BRSK2: variants seen among roughly 807,000 people sequenced by gnomAD.
BRSK2 encodes serine/threonine-protein kinase BRSK2.
A neutral mutation model predicts 83.3 loss-of-function variants in BRSK2; 19 were observed. The observed-to-expected ratio is 0.23, with a 90% CI of 0.16 to 0.33. The LOEUF is 0.33. Among genes scored for constraint, BRSK2 ranks in the 10% least tolerant of loss-of-function variants. The pLI is 1.00. For missense variants in BRSK2, 798 were observed against 1,042.3 expected (o/e 0.77, Z 3.23); for synonymous variants, 519 against 435.4 (o/e 1.19, Z -2.39).
intron 1 of BRSK2, among the ~76,000 whole-genome samples, chr11:1,392,062 C>G (rs965300147): frequency 6.6e-6 from 1 of 152,182 alleles, no homozygotes; most frequent in African/African-American, 2.4e-5. Flanking sequence ...CGAGTTATGA[C>G]GGGCAGAGCG....
intron 2 of BRSK2, among the ~76,000 whole-genome samples, chr11:1,437,431 G>A (rs927475012): frequency 9.9e-5 from 15 of 152,212 alleles, no homozygotes; most frequent in Non-Finnish European, 1.6e-4. Context: ...TGTGCTGGGC[G>A]GAGCACCAGC....
rs1850589066 is a variant in BRSK2, at chr11:1,438,115, C to G, written c.187-191C>G. ...TCCCCCACAGCTGGCACCAAAGGCC[C>G]CTGCGTCCCCCACAGCTGGCACCAA... On this transcript the variant is annotated intron_variant, in intron 2 of 19. Transcript: ENST00000528841. This position sits in a 1 kb window ranked among gnomAD's most constrained non-coding sequence, Gnocchi z 6.4. Among the ~76,000 whole-genome samples the G allele has an allele frequency of 7.1e-6, 1 of 140,582 alleles. No individual in the cohort carries two copies. The allele number at this position is 140,582 out of a possible 152,430, so 92.2% of individuals were successfully genotyped here. A position where few individuals can be genotyped will look rare whatever the true frequency, so the allele number is the denominator to read the frequency against.
intron 3 of BRSK2, among the ~76,000 whole-genome samples, chr11:1,440,562 C>CCCCAA (rs1444396637): frequency 6.6e-6 from 1 of 151,898 alleles, no homozygotes; most frequent in Non-Finnish European, 1.5e-5. Context: ...CCCCACCCCA[C>CCCCAA]CCCAACCCAG....
intron 19 of BRSK2, among the ~76,000 whole-genome samples, chr11:1,460,168 C>G (rs1049118406): frequency 6.6e-6 from 1 of 152,302 alleles, no homozygotes; most frequent in Non-Finnish European, 1.5e-5. Context: ...CCCCGAGCCT[C>G]GCTTCGCCAA....
At chr11:1,418,041 G>A (rs576855140) in intron 1 of BRSK2, among the ~76,000 whole-genome samples, 3 of 150,104 alleles carry the variant, frequency 2.0e-5, no homozygotes, top group East Asian at 2.0e-4. Context: ...TCTCTTGAGA[G>A]TGGTTCTCCT....
At position 1,454,398 on chromosome 11, in the gene BRSK2, C is replaced by T. The variant is rs66529968; in HGVS notation, c.1545-87C>T. Reference sequence around the variant, plus strand: ...TCTATCACGAAGCGATGGAAGATTCCGCCGTTCCAACCCCAGATTCGAGGG... The same window carrying T: ...TCTATCACGAAGCGATGGAAGATTCTGCCGTTCCAACCCCAGATTCGAGGG... On this transcript the variant is annotated intron_variant, in intron 15 of 19. Coordinates refer to ENST00000528841, the MANE Select transcript of BRSK2 (RefSeq NM_001256627.2). The surrounding 1 kb of genome is among the most constrained non-coding windows in gnomAD (Gnocchi z 5.2). 0.22 allele frequency: 325,747 copies of T among 1,500,766 alleles called. 37,179 individuals are homozygous for T. Among genetic ancestry groups the T allele is most frequent in the Non-Finnish European group, 0.24 (258,950 of 1,090,208 alleles). 93.0% of individuals were successfully genotyped at this position (1,500,766 alleles called of 1,614,324 possible).
At chr11:1,403,112 T>A (rs11025492) in intron 1 of BRSK2, among the ~76,000 whole-genome samples, 5 of 151,904 alleles carry the variant, frequency 3.3e-5, no homozygotes, top group African/African-American at 9.7e-5. Context: ...GGTGTTGAGT[T>A]CCCCATTCCA....
intron 12 of BRSK2, chr11:1,447,922 C>T (rs1274407228): frequency 1.5e-5 from 22 of 1,475,160 alleles, no homozygotes; most frequent in Non-Finnish European, 1.9e-5. Context: ...TGTCCTGCCT[C>T]AGGCCGGGCA....
chr11:1,451,220 G>A (rs554517632), intron 14 of BRSK2, 151 bp from the exon 15 acceptor site: 320 of 888,730 alleles, frequency 3.6e-4, no homozygotes, highest in Middle Eastern at 1.1e-3. Context: ...TAAGGTGGCC[G>A]GGAGCTGGGG....
At chr11:1,459,582 T>A (rs562389438) in intron 19 of BRSK2, 2 of 339,804 alleles carry the variant, frequency 5.9e-6, no homozygotes, top group East Asian at 5.9e-5. Context: ...TGCCCATCCC[T>A]CTGTCCACTG....
rs367917739 is a variant in BRSK2, at chr11:1,440,781, C to T, written c.273-7C>T. 1,271 of 1,561,624 alleles carry T rather than the reference C, an allele frequency of 8.1e-4. 4 individuals carry two copies. The highest frequency in any genetic ancestry group is 1.0e-3 in the Non-Finnish European group (1,157 of 1,152,712). On this transcript the variant is annotated splice_polypyrimidine_tract_variant and splice_region_variant and intron_variant, in intron 3 of 19. Coordinates refer to ENST00000528841, the MANE Select transcript of BRSK2 (RefSeq NM_001256627.2). ...GCTGGGCGCACTGGTGGCCCCGTCTCCTGCAGGTACCTGGTGCTAGAACAC... is the reference window on the plus strand; with the variant it reads ...GCTGGGCGCACTGGTGGCCCCGTCTTCTGCAGGTACCTGGTGCTAGAACAC...
At chr11:1,422,119 G>GAGCCCAGCCC (rs1006628757) in intron 1 of BRSK2, among the ~76,000 whole-genome samples, 1 of 152,166 alleles carries the variant, frequency 6.6e-6, no homozygotes, top group Non-Finnish European at 1.5e-5. Flanking sequence ...TGTCGGGTGA[G>GAGCCCAGCCC]AGCCCAGCCC....
chr11:1,441,046 C>G (rs540062418), intron 4 of BRSK2, 118 bp downstream of exon 4: 1 of 843,882 alleles, frequency 1.2e-6, no homozygotes, highest in East Asian at 2.7e-5. Flanking sequence ...CCGAGGTACA[C>G]CATGCCCCCC....
intron 2 of BRSK2, among the ~76,000 whole-genome samples, chr11:1,436,960 A>G (rs1362580022): frequency 1.3e-4 from 19 of 143,198 alleles, no homozygotes; most frequent in African/African-American, 1.8e-4. Flanking sequence ...GGAGGAATTA[A>G]CCAGACTAAA....
At chr11:1,435,847 T>C (rs1373965823) in intron 1 of BRSK2, among the ~76,000 whole-genome samples, 193 bp from the exon 2 acceptor site, 1 of 151,232 alleles carries the variant, frequency 6.6e-6, no homozygotes, top group Non-Finnish European at 1.5e-5. Context: ...GACACAGCTT[T>C]GCAGGGGCAG....
intron 1 of BRSK2, among the ~76,000 whole-genome samples, chr11:1,422,190 C>T (rs1848698080): frequency 2.0e-5 from 3 of 152,148 alleles, no homozygotes; most frequent in Admixed American, 6.5e-5. Context: ...GGTGGATGAT[C>T]AGGGGTGAGC....
intron 1 of BRSK2, among the ~76,000 whole-genome samples, chr11:1,399,188 GC>G (rs200503425): frequency 1.3e-5 from 2 of 152,064 alleles, no homozygotes; most frequent in East Asian, 3.9e-4. Context: ...TTGTGGGCAG[GC>G]CCCCCAGGGC....
At position 1,460,563 on chromosome 11, in the gene BRSK2, A is replaced by G; in HGVS notation, c.2051A>G (p.Gln684Arg). Residue 684 changes from glutamine (Q) to arginine (R), a missense_variant, in exon 20 of 20, where the codon CAG (glutamine) becomes CGG (arginine). By Grantham distance (43) the Gln-to-Arg change is conservative (BLOSUM62 1). Transcript: ENST00000528841. ...CTTTTTTCAGACGAGAAGAACGGGC[A>G]GGCGGCCCAGGCCCCCAGCACGCCC... is the stretch of plus-strand genomic sequence containing the variant. Reference protein sequence around the residue: ...KQLFSDEKNGQAAQAPSTPAK... With the variant: ...KQLFSDEKNGRAAQAPSTPAK... 1 of 1,530,450 alleles carries G rather than the reference A, an allele frequency of 6.5e-7. No individual in the cohort carries two copies. The highest frequency in any genetic ancestry group is 1.4e-5 in the African/African-American group (1 of 71,928). The allele number at this position is 1,530,450 out of a possible 1,614,324, so 94.8% of individuals were successfully genotyped here.
chr11:1,445,403 T>G lies in BRSK2; in HGVS notation c.922T>G (p.Ser308Ala). The G allele has an allele frequency of 6.2e-7, 1 of 1,612,040 alleles. No homozygotes were observed. The highest frequency in any genetic ancestry group is 8.5e-7 in the Non-Finnish European group (1 of 1,179,674). Residue 308 changes from serine (S) to alanine (A), a missense_variant, in exon 10 of 20, where the codon TCA becomes GCA. Transcript: ENST00000528841. ...CCCCGACGTGCTGGACAGCATGCAC[T>G]CACTGGGCTGCTTCCGAGACCGCAA... ...IDPDVLDSMH[S>A]LGCFRDRNKL...
Sources: allele counts gnomAD v4.1 joint callset (sites outside exome capture counted in the v4.1 genomes callset), GRCh38; gene constraint gnomAD v4.1.1; non-coding constraint Gnocchi (gnomAD v3.1); transcripts MANE v1.5; gene names NCBI Gene and HGNC (gene_info 2026-07-23, HGNC 2026-07-21).